The following ASCC2 variants were observed in gnomAD, a reference collection of about 807,000 sequenced individuals.
ASCC2 encodes the protein ASC-1 complex subunit P100.
A neutral mutation model predicts 93.5 loss-of-function variants in ASCC2; 42 were observed. That is an observed-to-expected ratio of 0.45 (90% CI 0.35 to 0.58). The LOEUF (loss-of-function observed/expected upper bound fraction) is 0.58, where lower values mean the gene tolerates loss of function less well. ASCC2 is among the 20% of genes least tolerant of loss of function. The probability of loss-of-function intolerance (pLI) is 0.00; values close to 1 mark genes in which losing one functional copy is unlikely to be tolerated. For synonymous variants in ASCC2, 364 were observed against 384.2 expected (o/e 0.95, Z 0.62); for missense variants, 859 against 977.6 (o/e 0.88, Z 1.62).
intron 13 of ASCC2, among the ~76,000 whole-genome samples, chr22:29,804,388 T>C (rs547506923): frequency 3.9e-5 from 6 of 152,194 alleles, no homozygotes; most frequent in Admixed American, 6.5e-5. Flanking sequence ...CTTCATTTTA[T>C]AGAGGGGAAG....
rs376569320 is a variant in ASCC2 at position 29,832,189 on chromosome 22, C to T, written c.81+56G>A. 118 of 1,486,520 alleles carry T rather than the reference C, an allele frequency of 7.9e-5. No homozygotes were observed. In the African/African-American group the frequency reaches 1.3e-3, roughly 17 times the overall value. 92.1% of individuals were successfully genotyped at this position (1,486,520 alleles called of 1,614,324 possible). A position where few individuals can be genotyped will look rare whatever the true frequency, so the allele number is the denominator to read the frequency against. On this transcript the variant is annotated intron_variant, in intron 2 of 19. Coordinates refer to ENST00000307790, the MANE Select transcript of ASCC2 (RefSeq NM_032204.5). ...ATAAAGACGGAATTTACTTTTTGCT[C>T]CTGAAATTGCAAGACTGACAATATC...
At position 29,816,652 on chromosome 22, in the gene ASCC2, CT is replaced by C. The variant is rs780336422; in HGVS notation, c.542-580del. 3 of 152,344 alleles carry C rather than the reference CT, an allele frequency of 2.0e-5. No homozygotes were observed. In the East Asian group the frequency reaches 5.8e-4, roughly 29 times the overall value. 9.4% of individuals were successfully genotyped at this position (152,344 alleles called of 1,614,324 possible). A position where few individuals can be genotyped will look rare whatever the true frequency, so the allele number is the denominator to read the frequency against. On this transcript the variant is annotated intron_variant, in intron 5 of 19. Transcript: ENST00000307790. ...GACTTGGAGATAGATTTACCACACACTTGCAATTGTTCCTATAAGATGAAGC... is the reference window on the plus strand; with the variant it reads ...GACTTGGAGATAGATTTACCACACACTGCAATTGTTCCTATAAGATGAAGC...
At chr22:29,821,446 C>T (rs1424731978) in intron 5 of ASCC2, among the ~76,000 whole-genome samples, 2 of 152,220 alleles carry the variant, frequency 1.3e-5, no homozygotes, top group Non-Finnish European at 2.9e-5. Context: ...ACTTATTAGT[C>T]ATATCCTCTC....
At chr22:29,814,342 C>T (rs1024427576) in intron 7 of ASCC2, among the ~76,000 whole-genome samples, 3 of 152,222 alleles carry the variant, frequency 2.0e-5, no homozygotes, top group African/African-American at 7.2e-5. Flanking sequence ...TATAAGTCCA[C>T]TGAATAAATG....
At chr22:29,790,316 A>G (rs2068838984) in intron 19 of ASCC2, among the ~76,000 whole-genome samples, 153 bp downstream of exon 19, 1 of 152,142 alleles carries the variant, frequency 6.6e-6, no homozygotes, top group African/African-American at 2.4e-5. Flanking sequence ...TCAAATAAGG[A>G]TAGTGATAAT....
At chr22:29,837,328 G>C (rs1333225750) in intron 1 of ASCC2, among the ~76,000 whole-genome samples, 1 of 152,020 alleles carries the variant, frequency 6.6e-6, no homozygotes, top group Non-Finnish European at 1.5e-5. Flanking sequence ...AGCTACTCAG[G>C]AGGCTGAGGC....
chr22:29,809,694 G>T (rs1006964428), intron 8 of ASCC2, among the ~76,000 whole-genome samples: 1 of 151,952 alleles, frequency 6.6e-6, no homozygotes. Flanking sequence ...AGGGAGAATC[G>T]CTTGAATCTG....
chr22:29,820,053 CT>C (rs1244970901), intron 5 of ASCC2, among the ~76,000 whole-genome samples: 1 of 151,724 alleles, frequency 6.6e-6, no homozygotes, highest in East Asian at 1.9e-4. Context: ...CAGGGTGTGG[CT>C]GTGTTTCCCA....
At chr22:29,796,728 T>G (rs2058489329) in intron 15 of ASCC2, among the ~76,000 whole-genome samples, 1 of 152,152 alleles carries the variant, frequency 6.6e-6, no homozygotes, top group Non-Finnish European at 1.5e-5. Flanking sequence ...GAGCCCAAGC[T>G]TGTTCAGGTG....
At position 29,816,067 on chromosome 22, in the gene ASCC2, A is replaced by G; in HGVS notation, c.548T>C (p.Ile183Thr). 1 of 1,594,080 alleles carries G rather than the reference A, an allele frequency of 6.3e-7. No homozygotes were observed. The highest frequency in any genetic ancestry group is 8.6e-7 in the Non-Finnish European group (1 of 1,169,296). Residue 183 changes from isoleucine (I) to threonine (T), a missense_variant, in exon 6 of 20, where the codon ATC (isoleucine) becomes ACC (threonine). Transcript: ENST00000307790. ...GTAGTAACTTGGCTGCTGTGTAAAGATGTTTCCTAAAAAGAGAAGAGAAAG... is the reference window on the plus strand; with the variant it reads ...GTAGTAACTTGGCTGCTGTGTAAAGGTGTTTCCTAAAAAGAGAAGAGAAAG... ...SPLLQKMIGN[I>T]FTQQPSYYSD...
chr22:29,811,850 A>T (rs983400459), intron 8 of ASCC2, among the ~76,000 whole-genome samples: 11 of 152,234 alleles, frequency 7.2e-5, no homozygotes, highest in African/African-American at 2.7e-4. Context: ...AATGCCTATG[A>T]TAAGCGAAAA....
rs1466676758 is a variant in ASCC2, at chr22:29,838,212, C to A, written c.-52G>T. On this transcript the variant is annotated 5_prime_UTR_variant, in exon 1 of 20. Transcript: ENST00000307790. Reference sequence around the variant, plus strand: ...TCCACCACCGGCTCTGTGCCGCCGCCGCCGCCGCCGCCGCCGACCACGGTG... The same window carrying A: ...TCCACCACCGGCTCTGTGCCGCCGCAGCCGCCGCCGCCGCCGACCACGGTG... 2.1e-6 allele frequency: 1 copy of A among 465,520 alleles called. No homozygotes were observed. Among genetic ancestry groups the A allele is most frequent in the South Asian group, 1.5e-5 (1 of 65,218 alleles). The allele number at this position is 465,520 out of a possible 1,614,324, so 28.8% of individuals were successfully genotyped here. A position where few individuals can be genotyped will look rare whatever the true frequency, so the allele number is the denominator to read the frequency against.
At chr22:29,794,246 C>G (rs2058139688) in intron 15 of ASCC2, among the ~76,000 whole-genome samples, 3 of 151,810 alleles carry the variant, frequency 2.0e-5, no homozygotes, top group African/African-American at 7.2e-5. Context: ...GTAATCCCAA[C>G]ACTTTGGGAG....
At chr22:29,806,658 T>G (rs924360423) in intron 10 of ASCC2, 105 bp from the exon 11 acceptor site, 3 of 1,430,514 alleles carry the variant, frequency 2.1e-6, no homozygotes, top group African/African-American at 1.4e-5. Context: ...AGTGGAGGAA[T>G]GAGGCATTTT....
rs1381700084 is a variant in ASCC2 at position 29,802,071 on chromosome 22, G to A, written c.1491C>T (p.Asp497=). The A allele has an allele frequency of 1.9e-5, 30 of 1,614,134 alleles. No individual in the cohort carries two copies. The highest frequency in any genetic ancestry group is 2.2e-5 in the Non-Finnish European group (26 of 1,180,010). Residue 497 remains aspartate, a synonymous_variant, in exon 14 of 20, where the codon GAC becomes GAT. Coordinates refer to ENST00000307790, the MANE Select transcript of ASCC2 (RefSeq NM_032204.5). ...GGATATTGTTGATCACCTGCTCTGG[G>A]TCGTAGTGGTAGTACTCCAGGCAGG... ...ILACLEYYHY[D]PEQVINNILE...
chr22:29,791,872 C>T (rs575196892), intron 18 of ASCC2, among the ~76,000 whole-genome samples: 3 of 152,338 alleles, frequency 2.0e-5, no homozygotes, highest in African/African-American at 7.2e-5. Context: ...CACCAGGCCC[C>T]GCTACTCATT....
chr22:29,837,779 A>G (rs565881773), intron 1 of ASCC2, among the ~76,000 whole-genome samples: 1 of 152,304 alleles, frequency 6.6e-6, no homozygotes, highest in African/African-American at 2.4e-5. Flanking sequence ...GTCGTTGACC[A>G]TCTCCTCCCA....
At position 29,832,239 on chromosome 22, in the gene ASCC2, G is replaced by C; in HGVS notation, c.81+6C>G. On this transcript the variant is annotated splice_donor_region_variant and intron_variant, in intron 2 of 19. Transcript: ENST00000307790. ...CAGGCTGAATGGCCTTAAGTGACCGGCTCACCAGCGCTGGTGAAGTCCTCA... is the reference window on the plus strand; with the variant it reads ...CAGGCTGAATGGCCTTAAGTGACCGCCTCACCAGCGCTGGTGAAGTCCTCA... 1 of 1,608,240 alleles carries C rather than the reference G, an allele frequency of 6.2e-7. No homozygotes were observed. Among genetic ancestry groups the C allele is most frequent in the Non-Finnish European group, 8.5e-7 (1 of 1,174,948 alleles).
intron 7 of ASCC2, 57 bp from the exon 8 acceptor site, chr22:29,813,599 A>G: frequency 8.8e-7 from 1 of 1,134,844 alleles, no homozygotes; most frequent in Non-Finnish European, 1.3e-6. Context: ...ACAGATCTGC[A>G]GAGCACCTGA....
Sources: allele counts gnomAD v4.1 joint callset (sites outside exome capture counted in the v4.1 genomes callset), GRCh38; gene constraint gnomAD v4.1.1; transcripts MANE v1.5; gene names NCBI Gene and HGNC (gene_info 2026-07-23, HGNC 2026-07-21).